The following TIAM2 variants were observed in gnomAD, a reference collection of about 807,000 sequenced individuals.
TIAM2 encodes the protein rho guanine nucleotide exchange factor TIAM2.
Under a neutral mutation model 152.9 loss-of-function variants are expected in TIAM2, and 80 were observed. The observed-to-expected ratio is 0.52, with a 90% CI of 0.44 to 0.63. The LOEUF (loss-of-function observed/expected upper bound fraction) is 0.63, where lower values mean the gene tolerates loss of function less well. Ranked by LOEUF, TIAM2 falls within the 30% of genes least tolerant of loss-of-function variation. The probability of loss-of-function intolerance (pLI) is 0.00; values close to 1 mark genes in which losing one functional copy is unlikely to be tolerated. For synonymous variants in TIAM2, 804 were observed against 838.0 expected, an observed-to-expected ratio of 0.96 and a Z score of 0.70; for missense variants, 1,965 against 2,120.1, an observed-to-expected ratio of 0.93 and a Z score of 1.44.
intron 1 of TIAM2, among the ~76,000 whole-genome samples, chr6:155,012,446 A>C (rs2114849675): frequency 6.6e-6 from 1 of 152,358 alleles, no homozygotes; most frequent in South Asian, 2.1e-4. Flanking sequence ...AAAATCAACC[A>C]ACCAACTTAC....
intron 9 of TIAM2, among the ~76,000 whole-genome samples, chr6:155,173,201 GTC>G (rs1298476720): frequency 9.6e-5 from 14 of 146,158 alleles, no homozygotes; most frequent in South Asian, 4.3e-4. Flanking sequence ...GTGTGTGTGT[GTC>G]TGTCTGTCTG....
rs1779391722 is a variant in TIAM2 at position 155,129,660 on chromosome 6, G to A, written c.437G>A (p.Ser146Asn). 6.2e-7 allele frequency: 1 copy of A among 1,614,004 alleles called. No homozygotes were observed. Among genetic ancestry groups the A allele is most frequent in the Admixed American group, 1.7e-5 (1 of 59,996 alleles). The change falls in exon 4 of 27, where the codon AGC becomes AAC. Residue 146 changes from serine to asparagine, a missense_variant. Physicochemically the swap from Ser to Asn is conservative, Grantham distance 46. Coordinates refer to ENST00000682666, the MANE Select transcript of TIAM2 (RefSeq NM_012454.4). The surrounding 1 kb of genome is among the most constrained non-coding windows in gnomAD (Gnocchi z 4.8). ...HLLNCYGRNE[S>N]IASTPPGEDR... ...CTCAACTGCTACGGGAGGAATGAGAGCATTGCCTCCACCCCACCGGGCGAA... is the reference window on the plus strand; with the variant it reads ...CTCAACTGCTACGGGAGGAATGAGAACATTGCCTCCACCCCACCGGGCGAA...
chr6:155,241,076 A>G (rs1783009905), intron 16 of TIAM2, among the ~76,000 whole-genome samples: 1 of 152,178 alleles, frequency 6.6e-6, no homozygotes. Context: ...TACATACGTG[A>G]CGGCTGATCC....
chr6:155,210,382 G>T (rs748551928), intron 14 of TIAM2, among the ~76,000 whole-genome samples: 3 of 151,180 alleles, frequency 2.0e-5, no homozygotes, highest in Non-Finnish European at 4.4e-5. Context: ...GCAGTGGCAC[G>T]ATTACTGCTC....
intron 1 of TIAM2, among the ~76,000 whole-genome samples, chr6:155,072,792 G>A (rs974427196): frequency 1.3e-5 from 2 of 152,136 alleles, no homozygotes; most frequent in African/African-American, 4.8e-5. Context: ...AGCCCAGGAG[G>A]TGGGCACAGA....
rs894702001 is a variant in TIAM2 at position 155,024,112 on chromosome 6, C to A, written c.-209+28620C>A. ...TTAAGGAGCTGAGCTGGGTTTTGAC[C>A]TTGTCTGACTCCAAAGCACTTGTTC... is the stretch of plus-strand genomic sequence containing the variant. On this transcript the variant is annotated intron_variant, in intron 1 of 26. Coordinates refer to ENST00000682666, the MANE Select transcript of TIAM2 (RefSeq NM_012454.4). 4.6e-5 allele frequency among the ~76,000 whole-genome samples: 7 copies of A among 152,176 alleles called. No homozygotes were observed. The East Asian group carries it at 1.3e-3, about 29-fold the overall frequency.
At chr6:155,053,349 C>T (rs917080840) in intron 1 of TIAM2, among the ~76,000 whole-genome samples, 3 of 151,972 alleles carry the variant, frequency 2.0e-5, no homozygotes, top group African/African-American at 7.2e-5. Flanking sequence ...CTGTTTTTGT[C>T]TCGTCACGTT....
intron 1 of TIAM2, among the ~76,000 whole-genome samples, chr6:155,037,529 T>G (rs1332105528): frequency 1.3e-5 from 2 of 152,114 alleles, no homozygotes; most frequent in Non-Finnish European, 2.9e-5. Flanking sequence ...CTGGTTTCTT[T>G]TCTTTTTTTA....
intron 1 of TIAM2, among the ~76,000 whole-genome samples, chr6:155,083,657 G>C (rs1349507652): frequency 6.6e-6 from 1 of 152,202 alleles, no homozygotes; most frequent in Non-Finnish European, 1.5e-5. Flanking sequence ...TTATATTGCT[G>C]TTCCCTAATG....
At chr6:155,063,423 AATT>A (rs1777628846) in intron 1 of TIAM2, among the ~76,000 whole-genome samples, 1 of 151,370 alleles carries the variant, frequency 6.6e-6, no homozygotes, top group South Asian at 2.1e-4. Flanking sequence ...GAACACGTAC[AATT>A]ATGTGTGTAT....
intron 12 of TIAM2, among the ~76,000 whole-genome samples, chr6:155,181,482 CAT>C (rs1780901703): frequency 1.3e-5 from 2 of 152,156 alleles, no homozygotes; most frequent in Admixed American, 6.5e-5. Context: ...AGACATATAA[CAT>C]AAAATTTATC....
In TIAM2 at chr6:155,137,370, T is replaced by C; in HGVS notation, c.1388T>C (p.Met463Thr). 1 of 1,614,202 alleles carries C rather than the reference T, an allele frequency of 6.2e-7. No homozygotes were observed. Among genetic ancestry groups the C allele is most frequent in the African/African-American group, 1.3e-5 (1 of 75,040 alleles). ...CGGCAGAACATTTATGAGAATTTCA[T>C]GCGAGAGTTGGAAATGAGCAGGACC... ...PLRQNIYENF[M>T]RELEMSRTNT... is the part of the protein sequence containing the mutation. Residue 463 changes from methionine to threonine, a missense_variant, in exon 5 of 27, where the codon ATG becomes ACG. Around this residue, in one of 3 missense-constraint regions of TIAM2, gnomAD observed 1,025 missense variants for 1,119.4 expected, o/e 0.92. Coordinates refer to ENST00000682666, the MANE Select transcript of TIAM2 (RefSeq NM_012454.4).
chr6:155,088,532 A>G (rs887547825), intron 1 of TIAM2, among the ~76,000 whole-genome samples: 1 of 152,188 alleles, frequency 6.6e-6, no homozygotes, highest in Non-Finnish European at 1.5e-5. Flanking sequence ...TATGTGCATT[A>G]TTTCATTAAA....
chr6:155,032,741 A>G (rs1562296278), intron 1 of TIAM2, among the ~76,000 whole-genome samples: 1 of 152,100 alleles, frequency 6.6e-6, no homozygotes, highest in Non-Finnish European at 1.5e-5. Flanking sequence ...GGGTTTCGCC[A>G]TGTTGGCCAG....
At chr6:155,090,460 T>A (rs1778276536) in intron 2 of TIAM2, 81 bp downstream of exon 2, 1 of 152,200 alleles carries the variant, frequency 6.6e-6, no homozygotes, top group African/African-American at 2.4e-5. Flanking sequence ...CACCACATTC[T>A]CACGTAGCTC....
chr6:155,183,252 A>G lies in TIAM2; in HGVS notation c.2816A>G (p.Asn939Ser). ...TTTTTCTCAGGGCTGAGAAAGGGCA[A>G]TGAGATCATGACCTTAAATGGGGAA... ...LAYGEGLRKG[N>S]EIMTLNGEAV... The change falls in exon 14 of 27, where the codon AAT (asparagine) becomes AGT (serine). Residue 939 changes from asparagine to serine, a missense_variant. Coordinates refer to ENST00000682666, the MANE Select transcript of TIAM2 (RefSeq NM_012454.4). 1 of 1,614,008 alleles carries G rather than the reference A, an allele frequency of 6.2e-7. No homozygotes were observed. Among genetic ancestry groups the G allele is most frequent in the Non-Finnish European group, 8.5e-7 (1 of 1,179,934 alleles).
intron 1 of TIAM2, among the ~76,000 whole-genome samples, chr6:155,087,580 C>T (rs1197191361): frequency 1.3e-5 from 2 of 152,006 alleles, no homozygotes; most frequent in Non-Finnish European, 2.9e-5. Context: ...GAAACCCTGT[C>T]TCTACTACAA....
intron 1 of TIAM2, among the ~76,000 whole-genome samples, chr6:155,012,630 AC>A (rs1038593207): frequency 1.4e-4 from 22 of 152,114 alleles, no homozygotes; most frequent in Non-Finnish European, 1.3e-4. Flanking sequence ...GGCTCACTGC[AC>A]CCTCTACCTT....
intron 1 of TIAM2, among the ~76,000 whole-genome samples, chr6:155,066,770 T>G (rs868542639): frequency 5.3e-5 from 8 of 152,234 alleles, no homozygotes; most frequent in South Asian, 2.1e-4. Context: ...TTGTTTGTTT[T>G]TTTGAGACTG....
Sources: gnomAD v4.1 joint callset for allele counts (sites outside exome capture counted in the v4.1 genomes callset) on GRCh38, gnomAD v4.1.1 for gene constraint, gnomAD v4.1.1 regional missense constraint, Gnocchi (gnomAD v3.1) non-coding constraint, MANE v1.5 for transcripts, NCBI Gene and HGNC (gene_info 2026-07-23, HGNC 2026-07-21) for gene names.